The following KCNQ5 variants were observed in gnomAD, a reference collection of about 807,000 sequenced individuals.
KCNQ5 encodes potassium voltage-gated channel subfamily Q member 5.
In KCNQ5, 30 loss-of-function variants were observed where a neutral mutation model predicts 98.2. That is an observed-to-expected ratio of 0.31 (90% CI 0.23 to 0.41). The LOEUF is 0.41. KCNQ5 is among the 10% of genes least tolerant of loss of function. The probability of loss-of-function intolerance (pLI) is 1.00; values close to 1 mark genes in which losing one functional copy is unlikely to be tolerated. For missense variants in KCNQ5, 835 were observed against 1,182.5 expected, an observed-to-expected ratio of 0.71 and a Z score of 4.31; for synonymous variants, 458 against 449.4, an observed-to-expected ratio of 1.02 and a Z score of -0.24.
intron 1 of KCNQ5, among the ~76,000 whole-genome samples, chr6:72,905,803 G>A (rs953807351): frequency 6.6e-6 from 1 of 151,348 alleles, no homozygotes; most frequent in Non-Finnish European, 1.5e-5. Flanking sequence ...AGAGGTGTCA[G>A]GGGGGTGAAA....
At chr6:72,946,353 C>T (rs1766546920) in intron 1 of KCNQ5, among the ~76,000 whole-genome samples, 1 of 152,166 alleles carries the variant, frequency 6.6e-6, no homozygotes, top group East Asian at 1.9e-4. Flanking sequence ...ATGAGATTAG[C>T]ACCTTTCCCC....
At chr6:73,033,720 C>G (rs575607634) in intron 2 of KCNQ5, among the ~76,000 whole-genome samples, 19 of 152,186 alleles carry the variant, frequency 1.2e-4, no homozygotes, top group African/African-American at 4.3e-4. Context: ...TCTATGACCC[C>G]CTTCCCCCCA....
rs566984872 is a variant in KCNQ5 at position 72,773,885 on chromosome 6, A to G, written c.398+151298A>G. 6.6e-5 allele frequency among the ~76,000 whole-genome samples: 10 copies of G among 152,282 alleles called. No homozygotes were observed. In the Middle Eastern group the frequency reaches 0.014, roughly 207 times the overall value. ...CTATTATAGAACTGTAGCATTTAAG[A>G]TAGTGTAGTATTGGTGAGAGGTTAG... On this transcript the variant is annotated intron_variant, in intron 1 of 13. Transcript: ENST00000370398.
chr6:72,964,646 A>C (rs9446793), intron 1 of KCNQ5, among the ~76,000 whole-genome samples: 13,655 of 152,222 alleles, frequency 0.09, 1,182 homozygotes, highest in African/African-American at 0.23. Flanking sequence ...AGAATTTTAC[A>C]TATTTTGAAA....
At chr6:73,191,291 T>A (rs1233090036) in intron 12 of KCNQ5, among the ~76,000 whole-genome samples, 2 of 152,092 alleles carry the variant, frequency 1.3e-5, no homozygotes, top group African/African-American at 4.8e-5. Flanking sequence ...TGTTGTTTCC[T>A]GGTTGCAAGT....
chr6:72,860,567 A>T (rs1777721721), intron 1 of KCNQ5, among the ~76,000 whole-genome samples: 1 of 152,216 alleles, frequency 6.6e-6, no homozygotes, highest in Non-Finnish European at 1.5e-5. Flanking sequence ...ATACCAAAAA[A>T]TTAGTCAGCA....
chr6:73,021,721 C>A (rs1770614622), intron 2 of KCNQ5, among the ~76,000 whole-genome samples: 1 of 152,138 alleles, frequency 6.6e-6, no homozygotes, highest in African/African-American at 2.4e-5. Flanking sequence ...AGGTTCAATG[C>A]CTCCATGGAG....
intron 1 of KCNQ5, among the ~76,000 whole-genome samples, chr6:72,847,581 C>G (rs1777071285): frequency 6.6e-6 from 1 of 152,196 alleles, no homozygotes; most frequent in East Asian, 1.9e-4. Context: ...AAAACTTGGT[C>G]TTTCAAAACC....
chr6:72,946,461 C>G (rs1404314224), intron 1 of KCNQ5, among the ~76,000 whole-genome samples: 1 of 152,052 alleles, frequency 6.6e-6, no homozygotes, highest in African/African-American at 2.4e-5. Flanking sequence ...GACTGAAAAA[C>G]ATAACTGAGT....
chr6:72,680,303 C>T (rs1478606914), intron 1 of KCNQ5, among the ~76,000 whole-genome samples: 2 of 152,120 alleles, frequency 1.3e-5, no homozygotes, highest in Non-Finnish European at 1.5e-5. Flanking sequence ...CCCTTTGTGC[C>T]TTTTCTTTCA....
At chr6:72,771,789 C>T (rs1772903506) in intron 1 of KCNQ5, among the ~76,000 whole-genome samples, 1 of 151,584 alleles carries the variant, frequency 6.6e-6, no homozygotes, top group Non-Finnish European at 1.5e-5. Context: ...TAAAACAAGA[C>T]TTCTGTGATT....
intron 1 of KCNQ5, among the ~76,000 whole-genome samples, chr6:72,800,454 G>T (rs1442672754): frequency 6.6e-6 from 1 of 152,178 alleles, no homozygotes; most frequent in Non-Finnish European, 1.5e-5. Context: ...TTGTATTTCT[G>T]TGGGATCGGT....
intron 5 of KCNQ5, 86 bp downstream of exon 5, chr6:73,077,973 C>A: frequency 9.3e-7 from 1 of 1,072,154 alleles, no homozygotes; most frequent in Non-Finnish European, 1.3e-6. Flanking sequence ...TGGATGGTTT[C>A]AATAAAAATA....
chr6:72,979,506 ACTT>A (rs1768327482), intron 1 of KCNQ5, among the ~76,000 whole-genome samples: 1 of 152,044 alleles, frequency 6.6e-6, no homozygotes, highest in Non-Finnish European at 1.5e-5. Context: ...TCCTTTGCCC[ACTT>A]CTTGATGGGG....
intron 3 of KCNQ5, among the ~76,000 whole-genome samples, chr6:73,069,810 T>C (rs1773225388): frequency 6.6e-6 from 1 of 152,166 alleles, no homozygotes; most frequent in Non-Finnish European, 1.5e-5. Context: ...CTTTCTTCTA[T>C]GTATTGGAAG....
intron 1 of KCNQ5, among the ~76,000 whole-genome samples, chr6:72,705,163 A>C (rs993860415): frequency 6.6e-6 from 1 of 152,140 alleles, no homozygotes; most frequent in Non-Finnish European, 1.5e-5. Context: ...AGGTGGTGAC[A>C]TTCTGGATAC....
At chr6:72,725,294 G>T (rs1770205957) in intron 1 of KCNQ5, among the ~76,000 whole-genome samples, 1 of 152,002 alleles carries the variant, frequency 6.6e-6, no homozygotes, top group Non-Finnish European at 1.5e-5. Flanking sequence ...CTTTAATGAA[G>T]ATCAAGTAGT....
chr6:73,103,885 G>T (rs577560367), intron 5 of KCNQ5, among the ~76,000 whole-genome samples: 5 of 152,198 alleles, frequency 3.3e-5, no homozygotes, highest in African/African-American at 4.8e-5. Context: ...TAACACAAAG[G>T]ATAAATGCTT....
In KCNQ5 at chr6:73,032,457, T is replaced by G. The variant is rs1408455193; in HGVS notation, c.490-9479T>G. On this transcript the variant is annotated intron_variant, in intron 2 of 13. Coordinates refer to ENST00000370398, the MANE Select transcript of KCNQ5 (RefSeq NM_019842.4). ...TGCTGAGATTATGGGCATGAACCAC[T>G]GCTCCCAGCCTCATGTAGTTCTTAA... Among the ~76,000 whole-genome samples, 3 of 152,174 alleles carry G rather than the reference T, an allele frequency of 2.0e-5. No homozygotes were observed. The East Asian group carries it at 5.8e-4, about 29-fold the overall frequency.
Sources: allele counts gnomAD v4.1 joint callset (sites outside exome capture counted in the v4.1 genomes callset), GRCh38; gene constraint gnomAD v4.1.1; transcripts MANE v1.5; gene names NCBI Gene and HGNC (gene_info 2026-07-23, HGNC 2026-07-21).